PCDH11X: variants seen among roughly 807,000 people sequenced by gnomAD.
The protein encoded by PCDH11X is protocadherin-11 X-linked.
A neutral mutation model predicts 53.3 loss-of-function variants in PCDH11X; 18 were observed. The observed-to-expected ratio is 0.34, with a 90% CI of 0.23 to 0.50. PCDH11X has a LOEUF of 0.50. PCDH11X is among the 20% of genes least tolerant of loss of function. PCDH11X has a pLI of 0.98. For missense variants in PCDH11X, 570 were observed against 1,032.4 expected (o/e 0.55, Z 6.14); for synonymous variants, 279 against 393.3 (o/e 0.71, Z 3.44).
chrX:92,434,369 C>T (rs1284091536), intron 9 of PCDH11X, among the ~76,000 whole-genome samples: 1 of 108,774 alleles, frequency 9.2e-6, no homozygotes, highest in Admixed American at 9.9e-5. Context: ...ATTGACATAG[C>T]TTAAGAGAAG....
intron 10 of PCDH11X, among the ~76,000 whole-genome samples, chrX:92,568,620 G>GT (rs1921813529): frequency 9.1e-6 from 1 of 109,729 alleles, no homozygotes; most frequent in African/African-American, 3.3e-5. Flanking sequence ...TGATACTTAA[G>GT]TATCACTAAA....
intron 6 of PCDH11X, among the ~76,000 whole-genome samples, chrX:91,900,796 G>A (rs1940923877): frequency 9.0e-6 from 1 of 110,655 alleles, no homozygotes; most frequent in Non-Finnish European, 1.9e-5. Context: ...TTTATACCAA[G>A]TATGTCTTAG....
chrX:92,360,828 A>C lies in PCDH11X; in HGVS notation c.3145-26907A>C, dbSNP rs1171593144. Among the ~76,000 whole-genome samples, 4 of 109,186 alleles carry C rather than the reference A, an allele frequency of 3.7e-5. No homozygotes were observed. The Admixed American group carries it at 3.9e-4, about 11-fold the overall frequency. 94.8% of individuals were successfully genotyped at this position (109,186 alleles called of 115,157 possible). ...AAGAAAAAAAATCAGTAAAAAGTAA[A>C]TATTTTGCTGTTTGGCTCCCAGATT... On this transcript the variant is annotated intron_variant, in intron 8 of 10. Coordinates refer to ENST00000682573, the MANE Select transcript of PCDH11X (RefSeq NM_032968.5).
chrX:91,881,150 C>T (rs2147740114), intron 6 of PCDH11X, among the ~76,000 whole-genome samples: 1 of 109,715 alleles, frequency 9.1e-6, no homozygotes, highest in East Asian at 2.9e-4. Flanking sequence ...GAACACATAG[C>T]AAGGAGGGCA....
At chrX:92,078,275 T>G (rs973612806) in intron 6 of PCDH11X, among the ~76,000 whole-genome samples, 2 of 111,247 alleles carry the variant, frequency 1.8e-5, no homozygotes, top group African/African-American at 6.5e-5. Context: ...ATAAAATGTT[T>G]TATCTAATGT....
intron 9 of PCDH11X, among the ~76,000 whole-genome samples, chrX:92,395,196 C>G (rs2071217724): frequency 9.0e-6 from 1 of 110,724 alleles, no homozygotes; most frequent in African/African-American, 3.3e-5. Flanking sequence ...CAAACTTTTT[C>G]TGAATAGTGT....
intron 8 of PCDH11X, among the ~76,000 whole-genome samples, chrX:92,264,665 A>G (rs1192216604): frequency 9.0e-6 from 1 of 111,297 alleles, no homozygotes; most frequent in Non-Finnish European, 1.9e-5. Flanking sequence ...GAAATGTTGA[A>G]GAAGAGGAAT....
intron 6 of PCDH11X, among the ~76,000 whole-genome samples, chrX:92,118,808 C>G (rs2064693823): frequency 1.2e-5 from 1 of 83,354 alleles, no homozygotes; most frequent in African/African-American, 4.8e-5. Flanking sequence ...GTGGTGCAAT[C>G]TCGGCTCACT....
intron 1 of PCDH11X, among the ~76,000 whole-genome samples, chrX:91,785,192 T>C (rs1602797166): frequency 9.6e-6 from 1 of 104,573 alleles, no homozygotes; most frequent in Non-Finnish European, 2.0e-5. Context: ...TGAAATTCTT[T>C]CTTATTTTTA....
chrX:92,192,383 C>A (rs865879194), intron 6 of PCDH11X, among the ~76,000 whole-genome samples: 2 of 111,465 alleles, frequency 1.8e-5, no homozygotes, highest in African/African-American at 3.3e-5. Context: ...TCGCTCTGTC[C>A]CCAGGCTGCA....
intron 6 of PCDH11X, among the ~76,000 whole-genome samples, chrX:92,154,418 T>C (rs1003322570): frequency 9.2e-6 from 1 of 109,087 alleles, no homozygotes; most frequent in African/African-American, 3.5e-5. Context: ...ATCTGGTTTA[T>C]GCACATTATT....
intron 7 of PCDH11X, among the ~76,000 whole-genome samples, chrX:92,220,430 C>G (rs746156188): frequency 0.015 from 1,552 of 104,191 alleles, 14 homozygotes; most frequent in Non-Finnish European, 0.023. Flanking sequence ...TTTATGCAGC[C>G]AAAAAACACA....
At chrX:92,056,203 T>C (rs1410953377) in intron 6 of PCDH11X, among the ~76,000 whole-genome samples, 1 of 111,633 alleles carries the variant, frequency 9.0e-6, no homozygotes. Context: ...GCATCTGTTA[T>C]TTTTTGACTT....
At position 92,003,124 on chromosome X, in the gene PCDH11X, T is replaced by C. The variant is rs188757066; in HGVS notation, c.3033+123851T>C. On this transcript the variant is annotated intron_variant, in intron 6 of 10. Coordinates refer to ENST00000682573, the MANE Select transcript of PCDH11X (RefSeq NM_032968.5). The stretch of plus-strand genomic sequence containing the variant: ...AAGGATGTTGAATTCTATCAAATGG[T>C]TTTTCAGGATCAATTGAAATGATCA... Among the ~76,000 whole-genome samples, 15 of 104,407 alleles carry C rather than the reference T, an allele frequency of 1.4e-4. No individual in the cohort carries two copies. The Admixed American group carries it at 1.5e-3, about 11-fold the overall frequency. 90.7% of individuals were successfully genotyped at this position (104,407 alleles called of 115,157 possible). A position where few individuals can be genotyped will look rare whatever the true frequency, so the allele number is the denominator to read the frequency against.
intron 6 of PCDH11X, among the ~76,000 whole-genome samples, chrX:91,920,890 A>G (rs1402535385): frequency 9.0e-6 from 1 of 110,725 alleles, no homozygotes; most frequent in African/African-American, 3.3e-5. Flanking sequence ...AGAAATCTTA[A>G]TTGAGATCCA....
intron 6 of PCDH11X, among the ~76,000 whole-genome samples, chrX:92,051,997 C>T (rs899997897): frequency 3.7e-5 from 4 of 108,786 alleles, no homozygotes; most frequent in Non-Finnish European, 7.7e-5. Flanking sequence ...CATCCAGTTC[C>T]AGCAAATGCT....
intron 8 of PCDH11X, among the ~76,000 whole-genome samples, chrX:92,360,391 C>T (rs781702875): frequency 1.9e-4 from 21 of 110,953 alleles, no homozygotes; most frequent in Non-Finnish European, 1.3e-4. Context: ...CATTTTAACG[C>T]GCAAAATATT....
chrX:91,809,794 G>A (rs1324684483), intron 2 of PCDH11X, among the ~76,000 whole-genome samples, 160 bp downstream of exon 2: 1 of 109,960 alleles, frequency 9.1e-6, no homozygotes, highest in Non-Finnish European at 1.9e-5. Flanking sequence ...AGTTCTATTG[G>A]ATAGTACTGC....
intron 6 of PCDH11X, among the ~76,000 whole-genome samples, chrX:92,138,749 T>C (rs1389901073): frequency 8.1e-5 from 9 of 111,190 alleles, no homozygotes; most frequent in Non-Finnish European, 1.5e-4. Context: ...TAGCATTATA[T>C]TGAGATCCAA....
Sources: gnomAD v4.1 joint callset for allele counts (sites outside exome capture counted in the v4.1 genomes callset) on GRCh38, gnomAD v4.1.1 for gene constraint, MANE v1.5 for transcripts, NCBI Gene and HGNC (gene_info 2026-07-23, HGNC 2026-07-21) for gene names.